Variants in TSNARE1 observed in about 807,000 individuals in gnomAD.
TSNARE1 encodes t-SNARE domain containing 1.
Under a neutral mutation model 62.0 loss-of-function variants are expected in TSNARE1, and 49 were observed. That is an observed-to-expected ratio of 0.79 (90% CI 0.63 to 1.00). The LOEUF (loss-of-function observed/expected upper bound fraction) is 1.00, where lower values mean the gene tolerates loss of function less well. Ranked by LOEUF, TSNARE1 falls within the 50% of genes least tolerant of loss-of-function variation. The pLI, the probability that TSNARE1 is intolerant of heterozygous loss-of-function variation, is 0.00. For synonymous variants in TSNARE1, 328 were observed against 294.4 expected (o/e 1.11, Z -1.17); for missense variants, 755 against 700.1 (o/e 1.08, Z -0.88).
At chr8:142,361,163 C>A (rs1025511633) in intron 1 of TSNARE1, among the ~76,000 whole-genome samples, 1 of 152,264 alleles carries the variant, frequency 6.6e-6, no homozygotes, top group African/African-American at 2.4e-5. Flanking sequence ...CCTTCGGGCA[C>A]GCGTTCTCTG....
chr8:142,288,828 G>A (rs981335592), intron 10 of TSNARE1, among the ~76,000 whole-genome samples: 10 of 152,242 alleles, frequency 6.6e-5, no homozygotes, highest in South Asian at 2.1e-4. Flanking sequence ...CAGCCAGCGC[G>A]GGGGACACAC....
intron 10 of TSNARE1, among the ~76,000 whole-genome samples, chr8:142,293,218 G>A (rs940748437): frequency 3.3e-5 from 5 of 152,220 alleles, no homozygotes; most frequent in African/African-American, 9.6e-5. Context: ...ACCCCTTAGC[G>A]TACAGTGAGC....
chr8:142,255,929 C>CATCACCACCAT (rs1250803659), intron 12 of TSNARE1, among the ~76,000 whole-genome samples: 1 of 3,774 alleles, frequency 2.6e-4, no homozygotes. Context: ...ATCACCATCA[C>CATCACCACCAT]CATCACCATC....
rs60082716 is a variant in TSNARE1, at chr8:142,327,079, G to A, written c.893+3822C>T. 9.3e-3 allele frequency among the ~76,000 whole-genome samples: 1,416 copies of A among 152,258 alleles called. 25 individuals are homozygous for A. The highest frequency in any genetic ancestry group is 0.032 in the African/African-American group (1,310 of 41,536). ...GCAGTTCCTCAAAGGATTACACAAA[G>A]AGCCACCGTATAACCCAGCAAGTCC... is the stretch of plus-strand genomic sequence containing the variant. On this transcript the variant is annotated intron_variant, in intron 6 of 13. Transcript: ENST00000524325.
At chr8:142,403,327 G>A (rs1365558112), upstream of TSNARE1, 1 of 151,992 alleles carries the variant, frequency 6.6e-6, no homozygotes, top group Non-Finnish European at 1.5e-5. Flanking sequence ...TGGGCCAAGA[G>A]GCCTCTGCGG....
intron 11 of TSNARE1, chr8:142,277,843 C>T (rs929263878): frequency 3.0e-6 from 3 of 985,396 alleles, no homozygotes; most frequent in Non-Finnish European, 3.6e-6. Flanking sequence ...GCCTCCAGGG[C>T]TGAGGACTTG....
intron 9 of TSNARE1, among the ~76,000 whole-genome samples, chr8:142,303,917 T>C (rs964482370): frequency 2.6e-5 from 4 of 152,134 alleles, no homozygotes; most frequent in Non-Finnish European, 5.9e-5. Context: ...TAGGTGCTAC[T>C]TCCTTTCTCC....
At chr8:142,369,200 G>A (rs7845665) in intron 1 of TSNARE1, among the ~76,000 whole-genome samples, 22,004 of 152,108 alleles carry the variant, frequency 0.14, 2,044 homozygotes, top group African/African-American at 0.26. Flanking sequence ...CAACACTGCC[G>A]GGGGTAGGGC....
At chr8:142,297,523 C>G (rs959217334) in intron 10 of TSNARE1, among the ~76,000 whole-genome samples, 1 of 152,196 alleles carries the variant, frequency 6.6e-6, no homozygotes, top group African/African-American at 2.4e-5. Context: ...TCTTGCAAAT[C>G]CCAAAGCCCC....
intron 1 of TSNARE1, among the ~76,000 whole-genome samples, chr8:142,378,472 T>C (rs1836501452): frequency 6.6e-6 from 1 of 152,222 alleles, no homozygotes. Context: ...TGTGTCCTAC[T>C]GTGTGTTAAT....
At chr8:142,238,803 C>A (rs1230282119) in intron 12 of TSNARE1, among the ~76,000 whole-genome samples, 1 of 151,404 alleles carries the variant, frequency 6.6e-6, no homozygotes, top group Non-Finnish European at 1.5e-5. Flanking sequence ...ACACCCACCC[C>A]TGCACACCTG....
intron 4 of TSNARE1, among the ~76,000 whole-genome samples, chr8:142,334,013 T>C (rs993834016): frequency 1.3e-5 from 2 of 152,176 alleles, no homozygotes; most frequent in African/African-American, 4.8e-5. Context: ...GGCGCCTCCT[T>C]ACATATTTTC....
At position 142,255,225 on chromosome 8, in the gene TSNARE1, C is replaced by A. The variant is rs151316832; in HGVS notation, c.1446+19556G>T. Among the ~76,000 whole-genome samples the A allele has an allele frequency of 3.3e-4, 50 of 152,080 alleles. 1 individual carries two copies. The highest frequency in any genetic ancestry group is 1.2e-3 in the African/African-American group (48 of 41,438). ...CTTTCTTTATCCCATTCTCCCAGTG[C>A]CCTATGCAGTGCCTAGTATGGAGGA... On this transcript the variant is annotated intron_variant, in intron 12 of 13. Transcript: ENST00000524325.
chr8:142,259,095 C>G (rs985794915), intron 12 of TSNARE1, among the ~76,000 whole-genome samples: 9 of 152,202 alleles, frequency 5.9e-5, no homozygotes, highest in Admixed American at 1.3e-4. Flanking sequence ...CCAGGTCTGT[C>G]TGACTCTGAA....
intron 12 of TSNARE1, among the ~76,000 whole-genome samples, chr8:142,238,766 C>CGCCCGCCCCTGCAT (rs1817557537): frequency 1.3e-5 from 2 of 149,282 alleles, no homozygotes; most frequent in African/African-American, 2.5e-5. Flanking sequence ...CACCCCTGCA[C>CGCCCGCCCCTGCAT]GCCCGCCCCT....
At chr8:142,277,492 C>T (rs1024691015) in intron 11 of TSNARE1, 115 of 985,480 alleles carry the variant, frequency 1.2e-4, no homozygotes, top group Non-Finnish European at 1.3e-4. Flanking sequence ...CGCTGCAGAG[C>T]GGAAAGCATG....
At chr8:142,317,683 C>T (rs1484322958) in intron 7 of TSNARE1, among the ~76,000 whole-genome samples, 2 of 152,164 alleles carry the variant, frequency 1.3e-5, no homozygotes, top group Admixed American at 6.5e-5. Context: ...CAGGGCCAGG[C>T]GTGGTGGCTC....
At chr8:142,372,542 G>A (rs1835988102) in intron 1 of TSNARE1, among the ~76,000 whole-genome samples, 1 of 152,184 alleles carries the variant, frequency 6.6e-6, no homozygotes, top group Non-Finnish European at 1.5e-5. Context: ...GGTGGAGCGG[G>A]GGTGCTGGCT....
intron 13 of TSNARE1, among the ~76,000 whole-genome samples, chr8:142,227,378 C>T (rs1215984356): frequency 2.7e-5 from 3 of 111,344 alleles, no homozygotes; most frequent in African/African-American, 1.4e-4. Context: ...GCCAGGACCC[C>T]CATCCTGCCA....
Sources: allele counts gnomAD v4.1 joint callset (sites outside exome capture counted in the v4.1 genomes callset), GRCh38; gene constraint gnomAD v4.1.1; transcripts MANE v1.5; gene names NCBI Gene and HGNC (gene_info 2026-07-23, HGNC 2026-07-21).